Variants in CNTN3 observed in about 807,000 individuals in gnomAD.
CNTN3 encodes the protein contactin-3.
Under a neutral mutation model 119.1 loss-of-function variants are expected in CNTN3, and 60 were observed. That is an observed-to-expected ratio of 0.50 (90% CI 0.41 to 0.62). The LOEUF is 0.62. Among genes scored for constraint, CNTN3 ranks in the 20% least tolerant of loss-of-function variants. The probability of loss-of-function intolerance (pLI) is 0.00; values close to 1 mark genes in which losing one functional copy is unlikely to be tolerated. For missense variants in CNTN3, 1,101 were observed against 1,242.4 expected, an observed-to-expected ratio of 0.89 and a Z score of 1.71; for synonymous variants, 450 against 438.7, an observed-to-expected ratio of 1.03 and a Z score of -0.32.
intron 5 of CNTN3, among the ~76,000 whole-genome samples, chr3:74,411,027 C>T (rs1002334036): frequency 4.0e-5 from 6 of 151,890 alleles, no homozygotes; most frequent in Admixed American, 6.6e-5. Context: ...CCTCTCTATC[C>T]TTTCCTCCCT....
At chr3:74,604,943 A>G (rs1442101874) in intron 1 of CNTN3, among the ~76,000 whole-genome samples, 1 of 152,192 alleles carries the variant, frequency 6.6e-6, no homozygotes, top group African/African-American at 2.4e-5. Flanking sequence ...ATATACACAC[A>G]ATGGAATATT....
chr3:74,590,859 C>G (rs1434911439), intron 1 of CNTN3, among the ~76,000 whole-genome samples: 1 of 151,970 alleles, frequency 6.6e-6, no homozygotes, highest in African/African-American at 2.4e-5. Context: ...TCAATGGGAA[C>G]CCAGTCAACA....
At chr3:74,596,228 G>T (rs955322526) in intron 1 of CNTN3, among the ~76,000 whole-genome samples, 1 of 151,954 alleles carries the variant, frequency 6.6e-6, no homozygotes, top group Admixed American at 6.6e-5. Flanking sequence ...TCATGGGTAG[G>T]AAGAATCAAT....
intron 4 of CNTN3, among the ~76,000 whole-genome samples, chr3:74,438,331 T>C (rs1410482189): frequency 6.6e-6 from 1 of 152,220 alleles, no homozygotes; most frequent in Non-Finnish European, 1.5e-5. Context: ...CTTAGGATCT[T>C]AGTCTGAAAA....
At chr3:74,450,506 T>G (rs1245603223) in intron 4 of CNTN3, among the ~76,000 whole-genome samples, 3 of 151,672 alleles carry the variant, frequency 2.0e-5, no homozygotes, top group Non-Finnish European at 1.5e-5. Context: ...AGCCCTGTTT[T>G]TTTTTTTTTT....
At chr3:74,613,444 G>A (rs1705115846) in intron 1 of CNTN3, among the ~76,000 whole-genome samples, 1 of 152,010 alleles carries the variant, frequency 6.6e-6, no homozygotes, top group Non-Finnish European at 1.5e-5. Context: ...TTAGCAGACT[G>A]GCTACCCCTT....
intron 1 of CNTN3, among the ~76,000 whole-genome samples, chr3:74,544,149 T>C (rs80190704): frequency 0.063 from 9,661 of 152,156 alleles, 967 homozygotes; most frequent in African/African-American, 0.22. Context: ...AGAAAATACA[T>C]TGAGGCAACT....
At chr3:74,304,478 T>C (rs1325671169) in intron 13 of CNTN3, among the ~76,000 whole-genome samples, 1 of 152,220 alleles carries the variant, frequency 6.6e-6, no homozygotes, top group African/African-American at 2.4e-5. Context: ...TTAAATGCCA[T>C]CTAAGGCATT....
chr3:74,371,778 C>T (rs1460368181), intron 5 of CNTN3, among the ~76,000 whole-genome samples: 1 of 152,068 alleles, frequency 6.6e-6, no homozygotes, highest in African/African-American at 2.4e-5. Context: ...GTTCTTTAAC[C>T]TCTCAGGCAT....
intron 4 of CNTN3, among the ~76,000 whole-genome samples, chr3:74,477,328 TA>T (rs1314041707): frequency 6.6e-6 from 1 of 152,124 alleles, no homozygotes; most frequent in Non-Finnish European, 1.5e-5. Context: ...TACACTTTAC[TA>T]AAAAATTATT....
At chr3:74,447,819 G>C (rs1702076419) in intron 4 of CNTN3, among the ~76,000 whole-genome samples, 1 of 152,152 alleles carries the variant, frequency 6.6e-6, no homozygotes, top group African/African-American at 2.4e-5. Context: ...GACTCACCTG[G>C]ACCCCAGGTT....
chr3:74,477,857 TA>T (rs534039565), intron 4 of CNTN3, among the ~76,000 whole-genome samples: 31 of 149,952 alleles, frequency 2.1e-4, no homozygotes, highest in Non-Finnish European at 3.1e-4. Flanking sequence ...TTAAAAAAAT[TA>T]AAAAAAAACA....
At chr3:74,361,823 C>T in intron 11 of CNTN3, 67 bp downstream of exon 11, 1 of 1,465,534 alleles carries the variant, frequency 6.8e-7, no homozygotes. Flanking sequence ...ATATTTAAAA[C>T]CTATGTTGAC....
intron 5 of CNTN3, among the ~76,000 whole-genome samples, chr3:74,389,453 C>T (rs1372744989): frequency 6.6e-6 from 1 of 152,062 alleles, no homozygotes; most frequent in Non-Finnish European, 1.5e-5. Context: ...TGTATTACAT[C>T]CTATGCTTTG....
chr3:74,491,445 A>G (rs1702962301), intron 3 of CNTN3, among the ~76,000 whole-genome samples: 1 of 152,184 alleles, frequency 6.6e-6, no homozygotes, highest in Non-Finnish European at 1.5e-5. Context: ...AGTTGCTGCC[A>G]GCTGAGATGG....
intron 4 of CNTN3, among the ~76,000 whole-genome samples, chr3:74,438,398 T>C (rs917303532): frequency 5.9e-5 from 9 of 152,198 alleles, no homozygotes; most frequent in African/African-American, 1.7e-4. Context: ...AGAAAATAAA[T>C]GCAAAGTTTT....
intron 3 of CNTN3, among the ~76,000 whole-genome samples, chr3:74,489,877 CTCAGTGCT>C (rs1702930856): frequency 6.6e-6 from 1 of 152,172 alleles, no homozygotes; most frequent in African/African-American, 2.4e-5. Context: ...AAGCTCTCAG[CTCAGTGCT>C]TCCACAGGGA....
chr3:74,412,240 C>T (rs1202581907), intron 5 of CNTN3, among the ~76,000 whole-genome samples: 1 of 152,152 alleles, frequency 6.6e-6, no homozygotes, highest in Non-Finnish European at 1.5e-5. Context: ...CTTTAGATTT[C>T]CCCTACTCTG....
chr3:74,287,089 C>T (rs1049152747), intron 19 of CNTN3, among the ~76,000 whole-genome samples: 1 of 152,184 alleles, frequency 6.6e-6, no homozygotes, highest in Non-Finnish European at 1.5e-5. Context: ...AAATGCCTCC[C>T]TCCTTCCTAT....
Sources: gnomAD v4.1 joint callset for allele counts (sites outside exome capture counted in the v4.1 genomes callset) on GRCh38, gnomAD v4.1.1 for gene constraint, MANE v1.5 for transcripts, NCBI Gene and HGNC (gene_info 2026-07-23, HGNC 2026-07-21) for gene names.